MAD1L1: variants seen among roughly 807,000 people sequenced by gnomAD.
The protein encoded by MAD1L1 is mitotic arrest deficient 1 like 1.
In MAD1L1, 95 loss-of-function variants were observed where a neutral mutation model predicts 96.9. That is an observed-to-expected ratio of 0.98 (90% confidence interval 0.83 to 1.16). The LOEUF is 1.16. Ranked by LOEUF, MAD1L1 falls within the 50% of genes most tolerant of loss-of-function variation. The pLI is 0.00. For synonymous variants in MAD1L1, 473 were observed against 396.6 expected (o/e 1.19, Z -2.29); for missense variants, 1,007 against 954.4 (o/e 1.06, Z -0.73).
At chr7:2,125,565 A>G (rs1260754767) in intron 11 of MAD1L1, among the ~76,000 whole-genome samples, 2 of 152,126 alleles carry the variant, frequency 1.3e-5, no homozygotes, top group Non-Finnish European at 2.9e-5. Context: ...GCTGTGGCAA[A>G]CCCAATTCTA....
intron 17 of MAD1L1, 133 bp downstream of exon 17, chr7:1,936,554 C>T (rs143018100): frequency 3.7e-5 from 34 of 930,584 alleles, no homozygotes; most frequent in African/African-American, 3.6e-4. Flanking sequence ...CCACCAGACC[C>T]GGCTGCCCAC....
At chr7:2,106,653 C>T (rs764503095) in intron 11 of MAD1L1, among the ~76,000 whole-genome samples, 12 of 152,252 alleles carry the variant, frequency 7.9e-5, no homozygotes, top group Non-Finnish European at 1.8e-4. Context: ...CCGTCACACT[C>T]TCGGCCCATC....
intron 17 of MAD1L1, among the ~76,000 whole-genome samples, chr7:1,919,614 C>T (rs1345187432): frequency 1.3e-5 from 2 of 152,236 alleles, no homozygotes; most frequent in Non-Finnish European, 2.9e-5. Context: ...CCGCCATCGT[C>T]GCCATCACCA....
intron 17 of MAD1L1, among the ~76,000 whole-genome samples, chr7:1,898,901 C>T (rs1787066405): frequency 6.6e-6 from 1 of 152,222 alleles, no homozygotes; most frequent in Admixed American, 6.5e-5. Flanking sequence ...CCTGACCATC[C>T]ATTCCCAGGT....
intron 10 of MAD1L1, among the ~76,000 whole-genome samples, chr7:2,179,509 C>A (rs1433469947): frequency 1.4e-5 from 2 of 143,616 alleles, no homozygotes; most frequent in Admixed American, 7.2e-5. Context: ...GCCTGGGCGA[C>A]AACAGCGAGA....
chr7:2,180,358 G>C (rs1342853343), intron 10 of MAD1L1, among the ~76,000 whole-genome samples: 2 of 152,230 alleles, frequency 1.3e-5, no homozygotes, highest in Non-Finnish European at 2.9e-5. Flanking sequence ...CCAGTTCTAG[G>C]TATCTCAGGA....
rs528298887 is a variant in MAD1L1, at chr7:2,170,260, A to C, written c.987-21022T>G. 3.9e-5 allele frequency among the ~76,000 whole-genome samples: 6 copies of C among 152,354 alleles called. No individual in the cohort carries two copies. The South Asian group carries it at 1.2e-3, about 32-fold the overall frequency. On this transcript the variant is annotated intron_variant, in intron 10 of 18. Coordinates refer to ENST00000265854, the MANE Select transcript of MAD1L1 (RefSeq NM_001013836.2). ...GCCATTAACAAGGCAGCACACGTGC[A>C]CATAAAGCCATCCTGGATGTCCCAT... is the stretch of plus-strand genomic sequence containing the variant.
chr7:2,232,304 C>A (rs561190040), intron 1 of MAD1L1, among the ~76,000 whole-genome samples: 22 of 152,374 alleles, frequency 1.4e-4, no homozygotes, highest in African/African-American at 5.0e-4. Context: ...AGAGGCAGGC[C>A]CGCCTGGAAG....
intron 14 of MAD1L1, among the ~76,000 whole-genome samples, chr7:1,983,582 A>T (rs552753453): frequency 1.1e-4 from 16 of 152,226 alleles, no homozygotes; most frequent in South Asian, 6.2e-4. Context: ...CATAATTCTC[A>T]ATTTTTTAAT....
chr7:2,230,740 G>C lies in MAD1L1; in HGVS notation c.-189-13C>G, dbSNP rs1794151053. 6.5e-6 allele frequency: 1 copy of C among 153,410 alleles called. No homozygotes were observed. The highest frequency in any genetic ancestry group is 1.5e-5 in the Non-Finnish European group (1 of 68,896). The allele number at this position is 153,410 out of a possible 1,614,324, so 9.5% of individuals were successfully genotyped here. On this transcript the variant is annotated splice_polypyrimidine_tract_variant and intron_variant, in intron 1 of 18. Coordinates refer to ENST00000265854, the MANE Select transcript of MAD1L1 (RefSeq NM_001013836.2). Reference sequence around the variant, plus strand: ...GCTTGGAGTGCTGCTGTTGAGGAGAGGAGAGGAAGAGTGTATCCCAGCTCC... The same window carrying C: ...GCTTGGAGTGCTGCTGTTGAGGAGACGAGAGGAAGAGTGTATCCCAGCTCC...
chr7:1,987,706 G>C (rs1249016859), intron 14 of MAD1L1, among the ~76,000 whole-genome samples: 2 of 152,202 alleles, frequency 1.3e-5, no homozygotes, highest in Non-Finnish European at 2.9e-5. Flanking sequence ...CCGGCTCCAC[G>C]TCTTTTCTCC....
intron 10 of MAD1L1, among the ~76,000 whole-genome samples, chr7:2,186,248 T>C (rs1446916098): frequency 6.6e-6 from 1 of 152,240 alleles, no homozygotes; most frequent in Non-Finnish European, 1.5e-5. Context: ...ATATGTTTAA[T>C]GAAATGGTAT....
intron 17 of MAD1L1, 40 bp downstream of exon 17, chr7:1,936,647 A>G (rs1778619671): frequency 2.0e-6 from 3 of 1,532,214 alleles, no homozygotes; most frequent in African/African-American, 2.7e-5. Context: ...TACCCACGGA[A>G]GGTCGAGGAT....
At chr7:2,174,637 A>G (rs142470404) in intron 10 of MAD1L1, among the ~76,000 whole-genome samples, 66 of 151,874 alleles carry the variant, frequency 4.3e-4, no homozygotes, top group African/African-American at 1.5e-3. Flanking sequence ...CTTTTCCAAC[A>G]CTTACACTGA....
At chr7:2,058,778 G>C (rs1332501300) in intron 12 of MAD1L1, among the ~76,000 whole-genome samples, 3 of 120,524 alleles carry the variant, frequency 2.5e-5, no homozygotes, top group Non-Finnish European at 3.5e-5. Flanking sequence ...GAGGGAGTGT[G>C]GCCAGAGAAG....
intron 11 of MAD1L1, among the ~76,000 whole-genome samples, chr7:2,138,124 C>T (rs529820937): frequency 6.6e-6 from 1 of 152,360 alleles, no homozygotes; most frequent in East Asian, 1.9e-4. Flanking sequence ...CTGGGCAGCC[C>T]CTGACACTGC....
At chr7:2,157,362 C>T (rs1187044866) in intron 10 of MAD1L1, among the ~76,000 whole-genome samples, 1 of 152,152 alleles carries the variant, frequency 6.6e-6, no homozygotes, top group Non-Finnish European at 1.5e-5. Context: ...TTCATGTTAC[C>T]ATTTGAGCTC....
intron 10 of MAD1L1, chr7:2,193,242 C>T (rs73041312): frequency 0.026 from 3,990 of 152,848 alleles, 92 homozygotes; most frequent in South Asian, 0.073. Flanking sequence ...GCCCAAGCCA[C>T]GCCCCAGCAT....
chr7:2,075,150 A>C (rs3778938), intron 11 of MAD1L1, among the ~76,000 whole-genome samples: 1 of 151,986 alleles, frequency 6.6e-6, no homozygotes, highest in Non-Finnish European at 1.5e-5. Context: ...CCTGTCCTGA[A>C]GACCCGAGGA....
Sources: allele counts gnomAD v4.1 joint callset (sites outside exome capture counted in the v4.1 genomes callset), GRCh38; gene constraint gnomAD v4.1.1; transcripts MANE v1.5; gene names NCBI Gene and HGNC (gene_info 2026-07-23, HGNC 2026-07-21).